GTF2E1: variants seen among roughly 807,000 people sequenced by gnomAD.
GTF2E1 encodes the protein TFIIE alpha subunit.
In GTF2E1, 14 loss-of-function variants were observed where a neutral mutation model predicts 34.9. That is an observed-to-expected ratio of 0.40 (90% CI 0.27 to 0.63). The LOEUF is 0.63. Ranked by LOEUF, GTF2E1 falls within the 20% of genes least tolerant of loss-of-function variation. The pLI is 0.39. For missense variants in GTF2E1, 469 were observed against 557.7 expected, an observed-to-expected ratio of 0.84 and a Z score of 1.60; for synonymous variants, 188 against 192.9, an observed-to-expected ratio of 0.97 and a Z score of 0.21.
chr3:120,767,175 A>G (rs1372799736), intron 2 of GTF2E1, among the ~76,000 whole-genome samples: 2 of 152,014 alleles, frequency 1.3e-5, no homozygotes, highest in African/African-American at 4.8e-5. Context: ...TTATTGGGAG[A>G]CTATTCTCCA....
At chr3:120,742,965 A>C in intron 1 of GTF2E1, 171 bp downstream of exon 1, 1 of 186,112 alleles carries the variant, frequency 5.4e-6, no homozygotes, top group Non-Finnish European at 1.2e-5. Flanking sequence ...CCCGTGTGCG[A>C]CCTCGGGTAG....
intron 1 of GTF2E1, among the ~76,000 whole-genome samples, chr3:120,748,543 C>T (rs1272050522): frequency 6.6e-6 from 1 of 152,138 alleles, no homozygotes; most frequent in Non-Finnish European, 1.5e-5. Context: ...TCAGGTTTGT[C>T]AAAGATCAGA....
chr3:120,750,452 A>G (rs764139320), intron 1 of GTF2E1, 71 bp from the exon 2 acceptor site: 3 of 863,698 alleles, frequency 3.5e-6, no homozygotes, highest in Non-Finnish European at 5.6e-6. Context: ...CTTTTCTGGC[A>G]CTGCAAGGAT....
chr3:120,764,669 T>C (rs1433203978), intron 2 of GTF2E1, among the ~76,000 whole-genome samples: 1 of 152,248 alleles, frequency 6.6e-6, no homozygotes, highest in Non-Finnish European at 1.5e-5. Flanking sequence ...ATTTGACTAA[T>C]AATGTCTTCT....
In GTF2E1 at chr3:120,782,049, G is replaced by C. The variant is rs1354589067; in HGVS notation, c.*579G>C. On this transcript the variant is annotated 3_prime_UTR_variant, in exon 5 of 5. Transcript: ENST00000283875. ...ATTTTCTCCCTTCTGAAATGAGTGA[G>C]GGAAGTTCATAAGGTAAATCCTTCC... The C allele has an allele frequency of 6.5e-6, 1 of 152,984 alleles. No homozygotes were observed. Among genetic ancestry groups the C allele is most frequent in the Non-Finnish European group, 1.5e-5 (1 of 68,690 alleles). 9.5% of individuals were successfully genotyped at this position (152,984 alleles called of 1,614,324 possible).
intron 3 of GTF2E1, among the ~76,000 whole-genome samples, chr3:120,772,538 G>A (rs577545490): frequency 6.6e-6 from 1 of 152,008 alleles, no homozygotes; most frequent in Non-Finnish European, 1.5e-5. Context: ...TTTTCTTTTT[G>A]TATCTTTTTC....
chr3:120,770,955 T>C (rs1428414903), intron 3 of GTF2E1, 26 bp downstream of exon 3: 2 of 1,579,978 alleles, frequency 1.3e-6, no homozygotes, highest in East Asian at 4.5e-5. Context: ...GTGCTCTTAC[T>C]AAGAACACAT....
chr3:120,750,401 A>T, intron 1 of GTF2E1, 122 bp from the exon 2 acceptor site: 1 of 625,266 alleles, frequency 1.6e-6, no homozygotes. Flanking sequence ...CTGCTCTGTT[A>T]AATGCTTAGG....
intron 2 of GTF2E1, among the ~76,000 whole-genome samples, chr3:120,758,573 G>A (rs190209133): frequency 3.5e-5 from 4 of 112,804 alleles, no homozygotes; most frequent in Non-Finnish European, 9.0e-5. Flanking sequence ...CCCTCCCCCA[G>A]CCTCCCACCC....
intron 2 of GTF2E1, among the ~76,000 whole-genome samples, chr3:120,765,235 A>G (rs1327334558): frequency 4.6e-5 from 7 of 152,134 alleles, no homozygotes; most frequent in Non-Finnish European, 7.4e-5. Flanking sequence ...AAATTGGGAC[A>G]TTCCTATACT....
intron 2 of GTF2E1, among the ~76,000 whole-genome samples, chr3:120,754,588 A>G (rs1458434162): frequency 6.6e-6 from 1 of 152,014 alleles, no homozygotes; most frequent in Non-Finnish European, 1.5e-5. Flanking sequence ...TTTCTTATGA[A>G]TTCTTGGCAG....
intron 2 of GTF2E1, among the ~76,000 whole-genome samples, chr3:120,768,705 T>C (rs943103063): frequency 2.6e-5 from 4 of 152,182 alleles, no homozygotes; most frequent in Admixed American, 6.5e-5. Context: ...TCAACCCTAC[T>C]TTATGTGGTT....
chr3:120,780,619 G>A (rs1251515014), intron 4 of GTF2E1, among the ~76,000 whole-genome samples: 1 of 152,180 alleles, frequency 6.6e-6, no homozygotes, highest in Non-Finnish European at 1.5e-5. Context: ...CCTTGAGTGA[G>A]ATAAAGAGCC....
chr3:120,760,336 G>A (rs984944452), intron 2 of GTF2E1, among the ~76,000 whole-genome samples: 5 of 152,194 alleles, frequency 3.3e-5, no homozygotes, highest in Admixed American at 1.3e-4. Context: ...GGGCTGAAAC[G>A]ATGGAGTTTT....
chr3:120,767,868 A>G (rs1709322001), intron 2 of GTF2E1, among the ~76,000 whole-genome samples: 1 of 152,172 alleles, frequency 6.6e-6, no homozygotes, highest in Admixed American at 6.5e-5. Flanking sequence ...TCATGAAAAT[A>G]AATTACTCGA....
chr3:120,771,906 A>G (rs1709354559), intron 3 of GTF2E1, among the ~76,000 whole-genome samples: 1 of 152,198 alleles, frequency 6.6e-6, no homozygotes, highest in East Asian at 1.9e-4. Context: ...CTAGCAGTAG[A>G]TTGAACAATA....
chr3:120,754,197 G>A (rs768431158), intron 2 of GTF2E1, among the ~76,000 whole-genome samples: 56 of 152,102 alleles, frequency 3.7e-4, no homozygotes, highest in Non-Finnish European at 2.4e-4. Context: ...AGGGCAGAGG[G>A]GGATCTTAGC....
chr3:120,780,625 G>A (rs1336717149), intron 4 of GTF2E1, among the ~76,000 whole-genome samples: 1 of 152,176 alleles, frequency 6.6e-6, no homozygotes, highest in Non-Finnish European at 1.5e-5. Context: ...GTGAGATAAA[G>A]AGCCATGTTT....
chr3:120,776,700 G>C (rs1309743885), intron 4 of GTF2E1, 36 bp downstream of exon 4: 2 of 1,579,708 alleles, frequency 1.3e-6, no homozygotes, highest in Non-Finnish European at 1.7e-6. Flanking sequence ...ATGTGTCTTA[G>C]GTTCTGTAGA....
Sources: allele counts gnomAD v4.1 joint callset (sites outside exome capture counted in the v4.1 genomes callset), GRCh38; gene constraint gnomAD v4.1.1; transcripts MANE v1.5; gene names NCBI Gene and HGNC (gene_info 2026-07-23, HGNC 2026-07-21).